LRRC4C: variants seen among roughly 807,000 people sequenced by gnomAD.
LRRC4C encodes leucine-rich repeat-containing protein 4C.
Under a neutral mutation model 33.6 loss-of-function variants are expected in LRRC4C, and 5 were observed. The ratio of observed to expected loss-of-function variants is 0.15; its 90% confidence interval spans 0.08 to 0.31. The LOEUF (loss-of-function observed/expected upper bound fraction) is 0.31, where lower values mean the gene tolerates loss of function less well. LRRC4C is among the 10% of genes least tolerant of loss of function. The pLI is 1.00. For synonymous variants in LRRC4C, 329 were observed against 302.0 expected (o/e 1.09, Z -0.93); for missense variants, 560 against 796.7 (o/e 0.70, Z 3.58).
chr11:40,700,288 C>T (rs1405963727), intron 2 of LRRC4C, among the ~76,000 whole-genome samples: 1 of 151,922 alleles, frequency 6.6e-6, no homozygotes, highest in African/African-American at 2.4e-5. Flanking sequence ...ATTACAGAAA[C>T]ACACGCAGGT....
chr11:40,846,262 G>A (rs1953165665), intron 2 of LRRC4C, among the ~76,000 whole-genome samples: 1 of 152,236 alleles, frequency 6.6e-6, no homozygotes, highest in African/African-American at 2.4e-5. Context: ...CCATGCCTAT[G>A]TCCTGAATGG....
intron 5 of LRRC4C, among the ~76,000 whole-genome samples, chr11:40,191,311 T>C (rs1205734063): frequency 6.6e-6 from 1 of 152,212 alleles, no homozygotes; most frequent in Non-Finnish European, 1.5e-5. Flanking sequence ...TTTCTCAAAT[T>C]GTATTCTACT....
chr11:41,160,173 T>G (rs1486136178), intron 1 of LRRC4C, among the ~76,000 whole-genome samples: 1 of 152,060 alleles, frequency 6.6e-6, no homozygotes, highest in East Asian at 1.9e-4. Flanking sequence ...CCATAAGAGT[T>G]GATAACAATA....
intron 3 of LRRC4C, among the ~76,000 whole-genome samples, chr11:40,529,043 A>G (rs1956171038): frequency 6.6e-6 from 1 of 152,086 alleles, no homozygotes; most frequent in Non-Finnish European, 1.5e-5. Flanking sequence ...CATAAAATAA[A>G]TATGTTTTAG....
chr11:40,997,698 T>C (rs1300012889), intron 1 of LRRC4C, among the ~76,000 whole-genome samples: 2 of 152,006 alleles, frequency 1.3e-5, no homozygotes, highest in Non-Finnish European at 2.9e-5. Flanking sequence ...TCCAAAAAAA[T>C]AAGCAAGGAA....
At chr11:41,063,688 G>A (rs751294013) in intron 1 of LRRC4C, among the ~76,000 whole-genome samples, 2 of 152,176 alleles carry the variant, frequency 1.3e-5, no homozygotes, top group Non-Finnish European at 2.9e-5. Context: ...AATTAAAGAA[G>A]AGCAATATCC....
chr11:41,211,481 C>T (rs1414704246), intron 1 of LRRC4C, among the ~76,000 whole-genome samples: 1 of 151,972 alleles, frequency 6.6e-6, no homozygotes, highest in Non-Finnish European at 1.5e-5. Context: ...CCTCCCCCTG[C>T]CCCCCATCCC....
chr11:41,090,106 G>A (rs1213241756), intron 1 of LRRC4C, among the ~76,000 whole-genome samples: 8 of 152,080 alleles, frequency 5.3e-5, no homozygotes, highest in African/African-American at 1.9e-4. Context: ...GATTGAAAAT[G>A]ATGCTGCAAG....
chr11:40,158,857 C>A (rs1003525856), intron 5 of LRRC4C, among the ~76,000 whole-genome samples: 1 of 151,982 alleles, frequency 6.6e-6, no homozygotes, highest in Non-Finnish European at 1.5e-5. Flanking sequence ...CATATCAAAT[C>A]AATTGTGGAT....
chr11:40,149,569 C>T (rs193063127), intron 5 of LRRC4C, among the ~76,000 whole-genome samples: 24 of 152,162 alleles, frequency 1.6e-4, no homozygotes, highest in Admixed American at 1.1e-3. Context: ...TATTTATTAA[C>T]TTAAGGAGCT....
chr11:40,763,127 A>T (rs565208236), intron 2 of LRRC4C, among the ~76,000 whole-genome samples: 15 of 117,398 alleles, frequency 1.3e-4, no homozygotes, highest in Non-Finnish European at 2.6e-4. Context: ...GTGTGTATAC[A>T]TATATATACA....
chr11:40,533,209 CTG>C (rs1956341170), intron 3 of LRRC4C, among the ~76,000 whole-genome samples: 1 of 152,134 alleles, frequency 6.6e-6, no homozygotes, highest in Admixed American at 6.6e-5. Flanking sequence ...TGCATTTAAA[CTG>C]TAACTATTAA....
intron 1 of LRRC4C, among the ~76,000 whole-genome samples, chr11:41,036,515 A>G (rs1857076169): frequency 6.6e-6 from 1 of 152,184 alleles, no homozygotes; most frequent in Non-Finnish European, 1.5e-5. Flanking sequence ...TCAATAATTC[A>G]AAGGGTTGAT....
intron 3 of LRRC4C, among the ~76,000 whole-genome samples, chr11:40,436,579 A>C (rs1434641471): frequency 6.6e-6 from 1 of 152,174 alleles, no homozygotes; most frequent in Non-Finnish European, 1.5e-5. Flanking sequence ...TGGTGTGTGC[A>C]CCCAAGAGAG....
At chr11:41,078,954 G>A (rs1355931722) in intron 1 of LRRC4C, among the ~76,000 whole-genome samples, 1 of 152,048 alleles carries the variant, frequency 6.6e-6, no homozygotes, top group Non-Finnish European at 1.5e-5. Flanking sequence ...GTGTTTCCTT[G>A]TTTCCACTAC....
intron 1 of LRRC4C, among the ~76,000 whole-genome samples, chr11:41,422,937 T>C (rs997922085): frequency 6.6e-6 from 1 of 152,122 alleles, no homozygotes; most frequent in African/African-American, 2.4e-5. Context: ...TTTTCTACAC[T>C]ATGCCATACT....
intron 3 of LRRC4C, among the ~76,000 whole-genome samples, chr11:40,513,302 C>G (rs12574661): frequency 0.16 from 23,622 of 149,096 alleles, 2,090 homozygotes; most frequent in African/African-American, 0.24. Context: ...TCTAACAATT[C>G]TTCCAAGGAA....
chr11:41,113,128 C>T (rs894653784), intron 1 of LRRC4C, among the ~76,000 whole-genome samples: 1 of 151,956 alleles, frequency 6.6e-6, no homozygotes, highest in Non-Finnish European at 1.5e-5. Context: ...TTTGCTAAGA[C>T]ATAGAGAGGA....
chr11:40,703,959 A>G (rs1469370117), intron 2 of LRRC4C, among the ~76,000 whole-genome samples: 1 of 152,176 alleles, frequency 6.6e-6, no homozygotes, highest in Non-Finnish European at 1.5e-5. Context: ...TGATATTTAA[A>G]TGCTCAGTTA....
Sources: allele counts gnomAD v4.1 joint callset (sites outside exome capture counted in the v4.1 genomes callset), GRCh38; gene constraint gnomAD v4.1.1; transcripts MANE v1.5; gene names NCBI Gene and HGNC (gene_info 2026-07-23, HGNC 2026-07-21).